PDE4DIP: variants seen among roughly 807,000 people sequenced by gnomAD.
PDE4DIP encodes myomegalin.
In PDE4DIP, 59 loss-of-function variants were observed where a neutral mutation model predicts 221.4. The observed-to-expected ratio is 0.27, with a 90% CI of 0.22 to 0.33. The LOEUF is 0.33. Ranked by LOEUF, PDE4DIP falls within the 10% of genes least tolerant of loss-of-function variation. The pLI, the probability that PDE4DIP is intolerant of heterozygous loss-of-function variation, is 1.00. For synonymous variants in PDE4DIP, 404 were observed against 815.9 expected (o/e 0.50, Z 8.60); for missense variants, 1,036 against 2,154.2 (o/e 0.48, Z 10.28).
upstream of PDE4DIP, among the ~76,000 whole-genome samples, chr1:148,885,863 A>G (rs1378506998): frequency 8.7e-6 from 1 of 114,528 alleles, no homozygotes; most frequent in Non-Finnish European, 1.8e-5. Context: ...CAACAGCTAC[A>G]ACATATATAT....
chr1:148,898,844 T>C (rs1553444813), intron 1 of PDE4DIP, among the ~76,000 whole-genome samples: 1 of 111,100 alleles, frequency 9.0e-6, no homozygotes, highest in Non-Finnish European at 1.7e-5. Flanking sequence ...CTTTTTTTTT[T>C]ACTTTGAGAC....
chr1:148,961,696 A>G (rs1367137720), intron 6 of PDE4DIP, 141 bp from the exon 10 acceptor site: 2 of 555,512 alleles, frequency 3.6e-6, no homozygotes, highest in African/African-American at 3.8e-5. Context: ...TACCACTTTA[A>G]TGGTTACTCT....
At chr1:148,927,057 A>C (rs1175269915) in intron 1 of PDE4DIP, among the ~76,000 whole-genome samples, 124 of 149,712 alleles carry the variant, frequency 8.3e-4, no homozygotes, top group African/African-American at 3.0e-3. Flanking sequence ...CGTTTAAGTT[A>C]TGTCTCAAAT....
chr1:148,955,764 A>G (rs2055130352), intron 5 of PDE4DIP, among the ~76,000 whole-genome samples: 2 of 152,170 alleles, frequency 1.3e-5, no homozygotes, highest in African/African-American at 4.8e-5. Context: ...TCTTCAGGTC[A>G]AGTCCCTTTA....
chr1:148,987,418 A>C (rs1478515733), intron 21 of PDE4DIP, among the ~76,000 whole-genome samples: 1 of 152,166 alleles, frequency 6.6e-6, no homozygotes. Flanking sequence ...CATAACATTA[A>C]AGTCAGCAAT....
At chr1:148,971,275 A>C (rs375177177) in intron 14 of PDE4DIP, among the ~76,000 whole-genome samples, 19,942 of 150,298 alleles carry the variant, frequency 0.13, 1,389 homozygotes, top group Middle Eastern at 0.18. Flanking sequence ...CAGACACCGT[A>C]CTGGGTGCTT....
At chr1:148,912,351 T>G (rs2042932024) in intron 1 of PDE4DIP, among the ~76,000 whole-genome samples, 1 of 142,974 alleles carries the variant, frequency 7.0e-6, no homozygotes, top group African/African-American at 2.7e-5. Flanking sequence ...TAAATAAACT[T>G]TATTAAGTAT....
chr1:148,999,532 T>C (rs2065119257), intron 23 of PDE4DIP, among the ~76,000 whole-genome samples: 1 of 152,242 alleles, frequency 6.6e-6, no homozygotes, highest in Admixed American at 6.5e-5. Context: ...GCTTCTATAC[T>C]ACATACTTTG....
intron 5 of PDE4DIP, among the ~76,000 whole-genome samples, chr1:148,941,445 C>T (rs1553479716): frequency 7.5e-6 from 1 of 134,218 alleles, no homozygotes. Flanking sequence ...GAGCTAAGGG[C>T]TTCATGTTGT....
At chr1:148,994,971 TC>T (rs2063865016) in intron 22 of PDE4DIP, among the ~76,000 whole-genome samples, 1 of 152,164 alleles carries the variant, frequency 6.6e-6, no homozygotes, top group South Asian at 2.1e-4. Flanking sequence ...ACAGGAGCTC[TC>T]CCCCAACATT....
intron 33 of PDE4DIP, 127 bp downstream of exon 36, chr1:149,016,677 A>C: frequency 2.1e-6 from 1 of 467,646 alleles, no homozygotes; most frequent in Non-Finnish European, 3.9e-6. Context: ...TATAAAATGC[A>C]AGAGCTGTAT....
intron 2 of PDE4DIP, chr1:148,930,202 A>G (rs1320141504): frequency 4.6e-5 from 7 of 152,120 alleles, no homozygotes; most frequent in Admixed American, 3.9e-4. Flanking sequence ...TCAGAATACA[A>G]AAATTAATGT....
intron 36 of PDE4DIP, chr1:149,020,772 T>A: frequency 2.0e-6 from 1 of 490,384 alleles, no homozygotes; most frequent in East Asian, 3.3e-5. Context: ...TGCTGGTGTG[T>A]CTGTTCTGCT....
At chr1:148,929,109 G>A (rs2047282370) in intron 1 of PDE4DIP, 88 bp from the exon 5 acceptor site, 1 of 1,295,808 alleles carries the variant, frequency 7.7e-7, no homozygotes, top group Admixed American at 2.2e-5. Flanking sequence ...GAGAGGCTGT[G>A]GACCAAGGCA....
At chr1:148,997,430 TAGAG>T (rs1271682588) in intron 22 of PDE4DIP, among the ~76,000 whole-genome samples, 1 of 150,036 alleles carries the variant, frequency 6.7e-6, no homozygotes, top group Admixed American at 6.7e-5. Context: ...CTGAGATTTG[TAGAG>T]AGAGTTTGTC....
intron 43 of PDE4DIP, 76 bp from the exon 47 acceptor site, chr1:149,031,868 T>C (rs1243336650): frequency 1.4e-6 from 2 of 1,427,296 alleles, no homozygotes; most frequent in Admixed American, 3.6e-5. Flanking sequence ...CACGTAGCTC[T>C]CACTCCAGCT....
chr1:149,028,381 G>T (rs1337302356), intron 40 of PDE4DIP, among the ~76,000 whole-genome samples, 179 bp from the exon 44 acceptor site: 1 of 150,428 alleles, frequency 6.6e-6, no homozygotes, highest in East Asian at 2.1e-4. Flanking sequence ...TCTGCAGGTG[G>T]AGGAAGGCAT....
At chr1:149,032,283 C>G (rs2076940653) in exon 44 of PDE4DIP, 1 of 597,396 alleles carries the variant, frequency 1.7e-6, no homozygotes, top group East Asian at 2.8e-5. Context: ...GATCCTGCCT[C>G]TCAACAGCCC....
At chr1:148,925,630 G>T (rs1371379837) in intron 1 of PDE4DIP, among the ~76,000 whole-genome samples, 3 of 151,888 alleles carry the variant, frequency 2.0e-5, no homozygotes, top group African/African-American at 7.3e-5. Context: ...TCCTGGTAAG[G>T]CTGGGGTCTC....
Sources: allele counts gnomAD v4.1 joint callset (sites outside exome capture counted in the v4.1 genomes callset), GRCh38; gene constraint gnomAD v4.1.1; transcripts MANE v1.5; gene names NCBI Gene and HGNC (gene_info 2026-07-23, HGNC 2026-07-21).